The following LYPLA1 variants were observed in gnomAD, a reference collection of about 807,000 sequenced individuals.
LYPLA1 encodes the protein lysophospholipase 1, also known as acyl-protein thioesterase 1.
LYPLA1 carries 17 observed loss-of-function variants against 34.0 expected under a neutral mutation model. That is an observed-to-expected ratio of 0.50 (90% CI 0.34 to 0.75). LYPLA1 has a LOEUF of 0.75. LYPLA1 is among the 30% of genes least tolerant of loss of function. The probability of loss-of-function intolerance (pLI) is 0.01; values close to 1 mark genes in which losing one functional copy is unlikely to be tolerated. For missense variants in LYPLA1, 203 were observed against 288.8 expected (o/e 0.70, Z 2.15); for synonymous variants, 98 against 100.8 (o/e 0.97, Z 0.17).
intron 3 of LYPLA1, among the ~76,000 whole-genome samples, chr8:54,064,551 G>A (rs1806904689): frequency 6.6e-6 from 1 of 152,230 alleles, no homozygotes; most frequent in Non-Finnish European, 1.5e-5. Context: ...AAAAGAGGAA[G>A]AAATGTTTTC....
chr8:54,088,612 T>C (rs1808977580), intron 2 of LYPLA1, among the ~76,000 whole-genome samples: 1 of 152,224 alleles, frequency 6.6e-6, no homozygotes, highest in South Asian at 2.1e-4. Context: ...GACTCCCAAG[T>C]ATATACACCA....
intron 6 of LYPLA1, chr8:54,053,542 C>T (rs982483731): frequency 2.2e-6 from 1 of 453,376 alleles, no homozygotes; most frequent in African/African-American, 2.0e-5. Context: ...ATCACTCTGA[C>T]CATGCCCATG....
chr8:54,058,406 T>C (rs867670334), intron 5 of LYPLA1, among the ~76,000 whole-genome samples: 2 of 152,210 alleles, frequency 1.3e-5, no homozygotes, highest in Non-Finnish European at 2.9e-5. Flanking sequence ...TAGCCGGGCA[T>C]GGTGGCACAG....
chr8:54,047,763 T>TA lies in LYPLA1; in HGVS notation c.*301dup, dbSNP rs1335075026. The stretch of plus-strand genomic sequence containing the variant: ...TACTGCTAATTTTCAAATGATGTAA[T>TA]AAAAAATCTGGTGGCAGTACTGTAT... On this transcript the variant is annotated 3_prime_UTR_variant, in exon 9 of 9. Transcript: ENST00000316963. 1.1e-5 allele frequency: 3 copies of TA among 262,894 alleles called. No individual in the cohort carries two copies. Among genetic ancestry groups the TA allele is most frequent in the Non-Finnish European group, 2.1e-5 (3 of 140,446 alleles). The allele number at this position is 262,894 out of a possible 1,614,324, so 16.3% of individuals were successfully genotyped here.
At chr8:54,091,677 T>C (rs753388402) in intron 2 of LYPLA1, among the ~76,000 whole-genome samples, 4 of 152,162 alleles carry the variant, frequency 2.6e-5, no homozygotes, top group Non-Finnish European at 5.9e-5. Context: ...TCTTGGGTTC[T>C]AGTCCCCACT....
chr8:54,053,534 C>T, intron 6 of LYPLA1: 1 of 448,010 alleles, frequency 2.2e-6, no homozygotes, highest in East Asian at 7.0e-5. Context: ...GAAGCCCCAT[C>T]ACTCTGACCA....
At chr8:54,067,128 C>T (rs1363030417) in intron 2 of LYPLA1, among the ~76,000 whole-genome samples, 1 of 152,090 alleles carries the variant, frequency 6.6e-6, no homozygotes, top group African/African-American at 2.4e-5. Flanking sequence ...AAGACTAGAC[C>T]ACTGCACCCC....
intron 2 of LYPLA1, chr8:54,073,344 G>C: frequency 1.2e-6 from 1 of 836,070 alleles, no homozygotes; most frequent in Non-Finnish European, 2.1e-6. Flanking sequence ...TGTGCAAAGA[G>C]AACTGTGGGT....
At chr8:54,091,536 G>T (rs1284021739) in intron 2 of LYPLA1, among the ~76,000 whole-genome samples, 1 of 111,986 alleles carries the variant, frequency 8.9e-6, no homozygotes, top group African/African-American at 4.1e-5. Context: ...AAAGAAAAAA[G>T]AAAAGAAAAG....
chr8:54,063,240 A>T, intron 4 of LYPLA1, 88 bp downstream of exon 4: 1 of 819,640 alleles, frequency 1.2e-6, no homozygotes, highest in Admixed American at 3.3e-5. Flanking sequence ...AAAAACAGCT[A>T]AATAAAAACT....
intron 2 of LYPLA1, among the ~76,000 whole-genome samples, chr8:54,095,099 G>A (rs1235810475): frequency 6.6e-6 from 1 of 151,744 alleles, no homozygotes; most frequent in African/African-American, 2.4e-5. Flanking sequence ...CACCATCTTG[G>A]CTCACTGCAA....
chr8:54,071,432 T>A (rs936408942), intron 2 of LYPLA1, among the ~76,000 whole-genome samples: 1 of 151,890 alleles, frequency 6.6e-6, no homozygotes, highest in Non-Finnish European at 1.5e-5. Context: ...TGTTTGCAGG[T>A]TTATCTCAAG....
At chr8:54,076,139 G>A (rs550372903) in intron 2 of LYPLA1, among the ~76,000 whole-genome samples, 46 of 152,240 alleles carry the variant, frequency 3.0e-4, no homozygotes, top group African/African-American at 1.0e-3. Context: ...AGGATTTGTG[G>A]AAACTATTAA....
At chr8:54,073,780 T>A (rs534162586) in intron 2 of LYPLA1, among the ~76,000 whole-genome samples, 8 of 152,136 alleles carry the variant, frequency 5.3e-5, no homozygotes, top group African/African-American at 1.9e-4. Flanking sequence ...AAAAACTACT[T>A]CTTTTTTCAA....
chr8:54,077,571 G>T (rs1376793502), intron 2 of LYPLA1, among the ~76,000 whole-genome samples: 2 of 152,116 alleles, frequency 1.3e-5, no homozygotes, highest in Non-Finnish European at 2.9e-5. Flanking sequence ...TGAGGCAGAC[G>T]GATCACTTGA....
At chr8:54,055,160 C>A in intron 5 of LYPLA1, 27 bp from the exon 6 acceptor site, 2 of 1,363,994 alleles carry the variant, frequency 1.5e-6, no homozygotes, top group South Asian at 1.2e-5. Context: ...AGTTAGTCAG[C>A]AATACTTTCA....
At chr8:54,043,979 C>T (rs1327422755), downstream of LYPLA1, among the ~76,000 whole-genome samples, 4 of 152,142 alleles carry the variant, frequency 2.6e-5, no homozygotes, top group Non-Finnish European at 5.9e-5. Flanking sequence ...GCAACCTCCA[C>T]CTCCCAGGTT....
chr8:54,096,895 G>T (rs1035181386), intron 2 of LYPLA1, among the ~76,000 whole-genome samples: 1 of 152,120 alleles, frequency 6.6e-6, no homozygotes, highest in Non-Finnish European at 1.5e-5. Flanking sequence ...CTGGGTGACA[G>T]AGCGAGATTC....
intron 5 of LYPLA1, among the ~76,000 whole-genome samples, chr8:54,060,313 C>T (rs904688969): frequency 1.5e-4 from 23 of 151,954 alleles, no homozygotes; most frequent in African/African-American, 4.6e-4. Flanking sequence ...ATAATAGAGA[C>T]GGGGTTTCTC....
Sources: gnomAD v4.1 joint callset for allele counts (sites outside exome capture counted in the v4.1 genomes callset) on GRCh38, gnomAD v4.1.1 for gene constraint, MANE v1.5 for transcripts, NCBI Gene and HGNC (gene_info 2026-07-23, HGNC 2026-07-21) for gene names.